PHACTR3: variants seen among roughly 807,000 people sequenced by gnomAD.
PHACTR3 encodes the protein phosphatase and actin regulator 3, also known as protein phosphatase 1, regulatory subunit 123.
Under a neutral mutation model 66.8 loss-of-function variants are expected in PHACTR3, and 16 were observed. That is an observed-to-expected ratio of 0.24 (90% CI 0.16 to 0.36). The LOEUF (loss-of-function observed/expected upper bound fraction) is 0.36. Ranked by LOEUF, PHACTR3 falls within the 10% of genes least tolerant of loss-of-function variation. PHACTR3 has a pLI of 1.00. For missense variants in PHACTR3, 647 were observed against 719.9 expected (o/e 0.90, Z 1.16); for synonymous variants, 323 against 292.1 (o/e 1.11, Z -1.08).
Position 59,820,236 on chromosome 20 carries a change from T to A in PHACTR3, c.1328+14042T>A, listed in dbSNP as rs1300925853. On this transcript the variant is annotated intron_variant, in intron 8 of 12. Transcript: ENST00000371015. The surrounding 1 kb of genome is among the most constrained non-coding windows in gnomAD (Gnocchi z 4.6). Reference sequence around the variant, plus strand: ...AGATTTATGAGGGCACTTTCAAGGATTTGTTGCAAAAATGCGAAGGAGCTC... The same window carrying A: ...AGATTTATGAGGGCACTTTCAAGGAATTGTTGCAAAAATGCGAAGGAGCTC... Among the ~76,000 whole-genome samples the A allele has an allele frequency of 6.6e-6, 1 of 151,712 alleles. No homozygotes were observed. The highest frequency in any genetic ancestry group is 2.4e-5 in the African/African-American group (1 of 41,264).
At chr20:59,716,778 C>T (rs1477920109) in intron 1 of PHACTR3, among the ~76,000 whole-genome samples, 5 of 152,180 alleles carry the variant, frequency 3.3e-5, no homozygotes, top group African/African-American at 1.2e-4. Flanking sequence ...AACAGTTGCA[C>T]CTCTTCTACT....
At chr20:59,587,015 A>G (rs2033050909) in intron 1 of PHACTR3, among the ~76,000 whole-genome samples, 1 of 152,166 alleles carries the variant, frequency 6.6e-6, no homozygotes. Flanking sequence ...GCTTGTTGTT[A>G]CTGCCTGCTT....
chr20:59,761,046 A>G (rs1408421597), intron 4 of PHACTR3, among the ~76,000 whole-genome samples: 2 of 152,112 alleles, frequency 1.3e-5, no homozygotes, highest in Non-Finnish European at 2.9e-5. Context: ...CCTAAACTCT[A>G]GAGCCAAACA....
chr20:59,837,682 T>C (rs2058990527), intron 9 of PHACTR3, among the ~76,000 whole-genome samples: 1 of 152,214 alleles, frequency 6.6e-6, no homozygotes, highest in South Asian at 2.1e-4. Flanking sequence ...GCTGTTTCAG[T>C]TGCCAAATAT....
At chr20:59,782,097 T>C (rs1317344450) in intron 7 of PHACTR3, among the ~76,000 whole-genome samples, 1 of 152,198 alleles carries the variant, frequency 6.6e-6, no homozygotes, top group African/African-American at 2.4e-5. Context: ...TAAAAGCTGA[T>C]GTTCACCATA....
chr20:59,673,013 A>G (rs1394818232), intron 1 of PHACTR3, among the ~76,000 whole-genome samples: 1 of 152,096 alleles, frequency 6.6e-6, no homozygotes, highest in Non-Finnish European at 1.5e-5. Context: ...TGCAGGTTGG[A>G]TGTGTCTGTT....
chr20:59,687,141 A>G (rs1283399254), intron 1 of PHACTR3, among the ~76,000 whole-genome samples: 1 of 138,588 alleles, frequency 7.2e-6, no homozygotes, highest in Non-Finnish European at 1.6e-5. Flanking sequence ...TGGTGGTGAC[A>G]GTGATGATGA....
rs755911242 is a variant in PHACTR3, at chr20:59,810,581, G to A, written c.1328+4387G>A. Among the ~76,000 whole-genome samples the A allele has an allele frequency of 2.6e-5, 4 of 152,196 alleles. No individual in the cohort carries two copies. The East Asian group carries it at 7.7e-4, about 29-fold the overall frequency. ...TTCAGCCTCTGGTTGCCATGGCAAC[G>A]TGCCATCTACTGTATCCCAAAGAAC... On this transcript the variant is annotated intron_variant, in intron 8 of 12. Transcript: ENST00000371015.
At chr20:59,695,759 G>A (rs529376761) in intron 1 of PHACTR3, among the ~76,000 whole-genome samples, 12 of 150,984 alleles carry the variant, frequency 7.9e-5, no homozygotes, top group African/African-American at 2.9e-4. Flanking sequence ...TTGAGATGGA[G>A]TCTCACTCTG....
chr20:59,591,714 G>C (rs889389845), intron 1 of PHACTR3, among the ~76,000 whole-genome samples: 1 of 151,980 alleles, frequency 6.6e-6, no homozygotes, highest in Non-Finnish European at 1.5e-5. Context: ...CAGACCCTTC[G>C]CCCATGGCCT....
At chr20:59,628,118 A>G (rs1449557412) in intron 1 of PHACTR3, 2 of 152,158 alleles carry the variant, frequency 1.3e-5, no homozygotes, top group African/African-American at 4.8e-5. Flanking sequence ...TTCGGCATGG[A>G]AGTTTCCAAC....
In PHACTR3 at chr20:59,830,301, A is replaced by G. The variant is rs1222014324; in HGVS notation, c.1329-6204A>G. 6.9e-6 allele frequency among the ~76,000 whole-genome samples: 1 copy of G among 144,162 alleles called. No individual in the cohort carries two copies. The highest frequency in any genetic ancestry group is 1.5e-5 in the Non-Finnish European group (1 of 65,836). 94.6% of individuals were successfully genotyped at this position (144,162 alleles called of 152,430 possible). On this transcript the variant is annotated intron_variant, in intron 8 of 12. Coordinates refer to ENST00000371015, the MANE Select transcript of PHACTR3 (RefSeq NM_080672.5). This position sits in a 1 kb window ranked among gnomAD's most constrained non-coding sequence, Gnocchi z 5.8. ...TCTGATGGAAGCAAGTGAGTGATGGACAGTGTGAGTAGATGATGAAAGAAG... is the reference window on the plus strand; with the variant it reads ...TCTGATGGAAGCAAGTGAGTGATGGGCAGTGTGAGTAGATGATGAAAGAAG...
intron 1 of PHACTR3, among the ~76,000 whole-genome samples, chr20:59,692,986 C>T (rs1481985816): frequency 6.6e-6 from 1 of 152,128 alleles, no homozygotes; most frequent in East Asian, 1.9e-4. Flanking sequence ...AAAATGAAAG[C>T]GTCATTATAT....
chr20:59,790,289 C>T (rs1272460039), intron 7 of PHACTR3, among the ~76,000 whole-genome samples: 1 of 152,172 alleles, frequency 6.6e-6, no homozygotes, highest in Non-Finnish European at 1.5e-5. Context: ...ACATTGGCAT[C>T]CTTTTTCTTC....
At chr20:59,781,285 G>T (rs919628059) in intron 7 of PHACTR3, among the ~76,000 whole-genome samples, 2 of 152,174 alleles carry the variant, frequency 1.3e-5, no homozygotes, top group Admixed American at 6.5e-5. Context: ...ACAGGCTGGC[G>T]GGGACCTTTG....
intron 2 of PHACTR3, 129 bp from the exon 3 acceptor site, chr20:59,747,629 C>G: frequency 9.5e-7 from 1 of 1,053,122 alleles, no homozygotes; most frequent in South Asian, 1.5e-5. Flanking sequence ...ACTAGGCCCC[C>G]TAACCCCGAG....
chr20:59,790,306 G>A (rs2041050491), intron 7 of PHACTR3, among the ~76,000 whole-genome samples: 5 of 152,102 alleles, frequency 3.3e-5, no homozygotes, highest in Admixed American at 3.3e-4. Context: ...CTTCTCTAGA[G>A]AGTATCTGAG....
At chr20:59,645,675 G>A (rs2035258372) in intron 1 of PHACTR3, among the ~76,000 whole-genome samples, 1 of 152,104 alleles carries the variant, frequency 6.6e-6, no homozygotes, top group Non-Finnish European at 1.5e-5. Flanking sequence ...ATGTACATAT[G>A]TGTGTGTGGC....
intron 1 of PHACTR3, among the ~76,000 whole-genome samples, chr20:59,586,998 G>C (rs2426791): frequency 0.27 from 41,721 of 152,152 alleles, 6,278 homozygotes; most frequent in Non-Finnish European, 0.36. Flanking sequence ...TCTGACAGCA[G>C]GTCAATGCTT....
Sources: gnomAD v4.1 joint callset for allele counts (sites outside exome capture counted in the v4.1 genomes callset) on GRCh38, gnomAD v4.1.1 for gene constraint, Gnocchi (gnomAD v3.1) non-coding constraint, MANE v1.5 for transcripts, NCBI Gene and HGNC (gene_info 2026-07-23, HGNC 2026-07-21) for gene names.